The following CACNA1G variants were observed in gnomAD, a reference collection of about 807,000 sequenced individuals.
CACNA1G encodes the protein calcium voltage-gated channel subunit alpha1 G.
A neutral mutation model predicts 219.4 loss-of-function variants in CACNA1G; 67 were observed. That is an observed-to-expected ratio of 0.31 (90% confidence interval 0.25 to 0.37). The LOEUF (loss-of-function observed/expected upper bound fraction) is 0.37. Among genes scored for constraint, CACNA1G ranks in the 10% least tolerant of loss-of-function variants. The probability of loss-of-function intolerance (pLI) is 1.00; values close to 1 mark genes in which losing one functional copy is unlikely to be tolerated. For missense variants in CACNA1G, 2,380 were observed against 3,231.4 expected (o/e 0.74, Z 6.39); for synonymous variants, 1,296 against 1,345.3 (o/e 0.96, Z 0.80).
intron 1 of CACNA1G, among the ~76,000 whole-genome samples, chr17:50,565,698 C>T (rs1382950461): frequency 6.6e-6 from 1 of 152,130 alleles, no homozygotes; most frequent in African/African-American, 2.4e-5. Flanking sequence ...GGTGTCCCAG[C>T]CACCCCCCTC....
At chr17:50,604,831 C>T (rs1031920944) in intron 22 of CACNA1G, among the ~76,000 whole-genome samples, 4 of 152,194 alleles carry the variant, frequency 2.6e-5, no homozygotes, top group Non-Finnish European at 5.9e-5. Flanking sequence ...CTCAGGGGGC[C>T]GGGGAGCCCC....
chr17:50,600,861 G>C lies in CACNA1G; in HGVS notation c.3791+35G>C. ...AGGGCAGGGGTCTGACCTGTGTCCC[G>C]ACCTCTTCTTCTCACGGGAAATTAC... On this transcript the variant is annotated intron_variant, in intron 18 of 37. Coordinates refer to ENST00000359106, the MANE Select transcript of CACNA1G (RefSeq NM_018896.5). The surrounding 1 kb of genome is among the most constrained non-coding windows in gnomAD (Gnocchi z 4.1). 6.3e-7 allele frequency: 1 copy of C among 1,591,480 alleles called. No homozygotes were observed.
chr17:50,579,555 C>G (rs1329165859), intron 9 of CACNA1G, among the ~76,000 whole-genome samples: 1 of 152,144 alleles, frequency 6.6e-6, no homozygotes, highest in African/African-American at 2.4e-5. Context: ...CAGGTCACCC[C>G]TGTGGCTGAT....
In CACNA1G at chr17:50,608,179, G is replaced by A. The variant is rs553004562; in HGVS notation, c.4705+160G>A. On this transcript the variant is annotated intron_variant, in intron 25 of 37. Coordinates refer to ENST00000359106, the MANE Select transcript of CACNA1G (RefSeq NM_018896.5). Reference sequence around the variant, plus strand: ...CCTCCTTCTCCCCAAGAGCATGTCTGCCTTTAGAGCGAGCATGAAGCAGAC... The same window carrying A: ...CCTCCTTCTCCCCAAGAGCATGTCTACCTTTAGAGCGAGCATGAAGCAGAC... 279 of 667,414 alleles carry A rather than the reference G, an allele frequency of 4.2e-4. 1 individual carries two copies. In the South Asian group the frequency reaches 4.6e-3, roughly 11 times the overall value. The allele number at this position is 667,414 out of a possible 1,614,324, so 41.3% of individuals were successfully genotyped here. A position where few individuals can be genotyped will look rare whatever the true frequency, so the allele number is the denominator to read the frequency against.
rs2045625124 is a variant in CACNA1G at position 50,596,717 on chromosome 17, T to C, written c.3065-13T>C. On this transcript the variant is annotated splice_polypyrimidine_tract_variant and intron_variant, in intron 15 of 37. Transcript: ENST00000359106. The surrounding 1 kb of genome is among the most constrained non-coding windows in gnomAD (Gnocchi z 4.8). ...TGTGTGGACTCGGGATCTCTCCCTCTCTCCCCGTGCAGTGGTGTCCCTGGG... is the reference window on the plus strand; with the variant it reads ...TGTGTGGACTCGGGATCTCTCCCTCCCTCCCCGTGCAGTGGTGTCCCTGGG... The C allele has an allele frequency of 6.2e-7, 1 of 1,613,376 alleles. No homozygotes were observed. The highest frequency in any genetic ancestry group is 1.3e-5 in the African/African-American group (1 of 74,848).
chr17:50,605,792 C>A, intron 22 of CACNA1G, 106 bp from the exon 23 acceptor site: 1 of 1,247,074 alleles, frequency 8.0e-7, no homozygotes, highest in Non-Finnish European at 1.1e-6. Flanking sequence ...GAGCACCCCA[C>A]ACTCACTCAA....
Position 50,623,998 on chromosome 17 carries a change from G to A in CACNA1G, c.6152G>A (p.Ser2051Asn). Residue 2051 changes from serine (S) to asparagine (N), a missense_variant, in exon 36 of 38, where the codon AGC becomes AAC. By Grantham distance (46) the Ser-to-Asn change is conservative. This residue lies in a region of CACNA1G where 672 missense variants were observed against 670.5 expected (regional missense o/e 1.00). Transcript: ENST00000359106. Reference protein sequence around the residue: ...VSRTHSLPNDSYMCRHGSTAE... With the variant: ...VSRTHSLPNDNYMCRHGSTAE... ...CGAACGCACTCTCTGCCCAATGACA[G>A]CTACATGTGTCGGCATGGGAGCACT... The A allele has an allele frequency of 3.1e-6, 5 of 1,613,286 alleles. No homozygotes were observed. The highest frequency in any genetic ancestry group is 4.2e-6 in the Non-Finnish European group (5 of 1,179,848).
intron 9 of CACNA1G, among the ~76,000 whole-genome samples, chr17:50,583,827 G>A (rs140334330): frequency 4.6e-5 from 7 of 152,308 alleles, no homozygotes; most frequent in African/African-American, 9.6e-5. Flanking sequence ...TTAGCCCAGC[G>A]AGGAAGCCGG....
intron 9 of CACNA1G, among the ~76,000 whole-genome samples, chr17:50,584,073 T>C (rs2042527476): frequency 6.6e-6 from 1 of 152,018 alleles, no homozygotes; most frequent in African/African-American, 2.4e-5. Context: ...CCGAGCATGA[T>C]GGCGCCACCC....
At chr17:50,620,679 G>C (rs544583019) in intron 34 of CACNA1G, among the ~76,000 whole-genome samples, 2 of 152,326 alleles carry the variant, frequency 1.3e-5, no homozygotes, top group Admixed American at 1.3e-4. Context: ...CCTTTTGGGT[G>C]GTGGGGCAGG....
chr17:50,572,317 T>C lies in CACNA1G; in HGVS notation c.747-237T>C, dbSNP rs528685711. Reference sequence around the variant, plus strand: ...AGTGATCCTAACTTGCAGTGAAATTTGAAAATCACTATTCCAGGATGTGAC... The same window carrying C: ...AGTGATCCTAACTTGCAGTGAAATTCGAAAATCACTATTCCAGGATGTGAC... On this transcript the variant is annotated intron_variant, in intron 5 of 37. Transcript: ENST00000359106. Among the ~76,000 whole-genome samples, 24 of 152,288 alleles carry C rather than the reference T, an allele frequency of 1.6e-4. No individual in the cohort carries two copies. The East Asian group carries it at 3.9e-3, about 24-fold the overall frequency.
intron 1 of CACNA1G, chr17:50,563,686 ACAG>A (rs2036742255): frequency 6.6e-6 from 1 of 152,312 alleles, no homozygotes; most frequent in South Asian, 2.1e-4. Flanking sequence ...AGGTGGGAGG[ACAG>A]CACTCACCTT....
chr17:50,573,008 C>G lies in CACNA1G; in HGVS notation c.1048-13C>G. ...GTGGGCCCATAGTCAGCCTGCCCCT[C>G]TGCACCCCCTAGGTCATCACGCTGG... On this transcript the variant is annotated splice_polypyrimidine_tract_variant and intron_variant, in intron 6 of 37. Transcript: ENST00000359106. 1.3e-6 allele frequency: 2 copies of G among 1,574,816 alleles called. No individual in the cohort carries two copies. The highest frequency in any genetic ancestry group is 1.7e-6 in the Non-Finnish European group (2 of 1,158,672).
In CACNA1G at chr17:50,590,632, C is replaced by T. The variant is rs185499803; in HGVS notation, c.2453+10C>T. 801 of 1,607,450 alleles carry T rather than the reference C, an allele frequency of 5.0e-4. 2 individuals carry two copies. In the African/African-American group the frequency reaches 7.3e-3, roughly 15 times the overall value. ...TCATTGTGGTCATCAGGTATGACTA[C>T]CCCCCGGCACTGACTCTCAGTTGAG... On this transcript the variant is annotated intron_variant, in intron 10 of 37. Coordinates refer to ENST00000359106, the MANE Select transcript of CACNA1G (RefSeq NM_018896.5).
rs749068378 is a variant in CACNA1G at position 50,596,922 on chromosome 17, C to T, written c.3257C>T (p.Pro1086Leu). 25 of 1,550,886 alleles carry T rather than the reference C, an allele frequency of 1.6e-5. No individual in the cohort carries two copies. Among genetic ancestry groups the T allele is most frequent in the Admixed American group, 3.8e-5 (2 of 52,316 alleles). ...GGGGCGGCCCACGAGATGAAGTCAC[C>T]GGTAGGGGGTGCATGTGGGTACCCT... The part of the protein sequence containing the change: ...EPGAAHEMKS[P>L]PSARSSPHSP... The change falls in exon 16 of 38, where the codon CCG (proline) becomes CTG (leucine). Residue 1086 changes from proline (P) to leucine (L), a missense_variant and splice_region_variant. Around this residue, in one of 17 missense-constraint regions of CACNA1G, gnomAD observed 418 missense variants for 434.3 expected, o/e 0.96. Coordinates refer to ENST00000359106, the MANE Select transcript of CACNA1G (RefSeq NM_018896.5). The surrounding 1 kb of genome is among the most constrained non-coding windows in gnomAD (Gnocchi z 4.8).
chr17:50,588,121 C>T (rs966679241), intron 9 of CACNA1G, among the ~76,000 whole-genome samples: 4 of 152,100 alleles, frequency 2.6e-5, no homozygotes, highest in Admixed American at 2.6e-4. Context: ...GAAATTTGCC[C>T]ATTATAAGCG....
At chr17:50,616,544 G>C (rs911175494) in intron 28 of CACNA1G, among the ~76,000 whole-genome samples, 160 bp downstream of exon 28, 2 of 152,188 alleles carry the variant, frequency 1.3e-5, no homozygotes, top group Non-Finnish European at 2.9e-5. Flanking sequence ...GGATGGGAAG[G>C]CATGGTCTCC....
chr17:50,608,031 C>A lies in CACNA1G; in HGVS notation c.4705+12C>A. The A allele has an allele frequency of 6.3e-7, 1 of 1,594,678 alleles. No individual in the cohort carries two copies. Among genetic ancestry groups the A allele is most frequent in the Non-Finnish European group, 8.5e-7 (1 of 1,170,248 alleles). ...GAAAAAGAGAAGGAGTAAGGAGAAGCAGATGGCTGGTCGGTAGTCTTTCCA... is the reference window on the plus strand; with the variant it reads ...GAAAAAGAGAAGGAGTAAGGAGAAGAAGATGGCTGGTCGGTAGTCTTTCCA... On this transcript the variant is annotated intron_variant, in intron 25 of 37. Transcript: ENST00000359106.
In CACNA1G at chr17:50,578,092, C is replaced by T. The variant is rs1009044955; in HGVS notation, c.1925-96C>T. The T allele has an allele frequency of 2.1e-6, 3 of 1,425,042 alleles. No homozygotes were observed. The highest frequency in any genetic ancestry group is 1.4e-5 in the African/African-American group (1 of 70,040). 88.3% of individuals were successfully genotyped at this position (1,425,042 alleles called of 1,614,324 possible). A position where few individuals can be genotyped will look rare whatever the true frequency, so the allele number is the denominator to read the frequency against. On this transcript the variant is annotated intron_variant, in intron 8 of 37. Transcript: ENST00000359106. This position sits in a 1 kb window ranked among gnomAD's most constrained non-coding sequence, Gnocchi z 4.5. Reference sequence around the variant, plus strand: ...GCCTAGCACCCCATCACTGTAACAACCCCAGACTCCCTGACTCATTTTACA... The same window carrying T: ...GCCTAGCACCCCATCACTGTAACAATCCCAGACTCCCTGACTCATTTTACA...
Sources: allele counts gnomAD v4.1 joint callset (sites outside exome capture counted in the v4.1 genomes callset), GRCh38; gene constraint gnomAD v4.1.1; regional missense constraint gnomAD v4.1.1; non-coding constraint Gnocchi (gnomAD v3.1); transcripts MANE v1.5; gene names NCBI Gene and HGNC (gene_info 2026-07-23, HGNC 2026-07-21).